The following PHACTR4 variants were observed in gnomAD, a reference collection of about 807,000 sequenced individuals.
PHACTR4 encodes the protein phosphatase and actin regulator 4.
A neutral mutation model predicts 72.7 loss-of-function variants in PHACTR4; 51 were observed. The ratio of observed to expected loss-of-function variants is 0.70; its 90% CI spans 0.56 to 0.89. The LOEUF (loss-of-function observed/expected upper bound fraction) is 0.89. Among genes scored for constraint, PHACTR4 ranks in the 40% least tolerant of loss-of-function variants. PHACTR4 has a pLI of 0.00. For missense variants in PHACTR4, 731 were observed against 861.8 expected, an observed-to-expected ratio of 0.85 and a Z score of 1.90; for synonymous variants, 255 against 302.5, an observed-to-expected ratio of 0.84 and a Z score of 1.63.
chr1:28,481,793 A>G (rs958448741), intron 9 of PHACTR4, among the ~76,000 whole-genome samples: 1 of 148,888 alleles, frequency 6.7e-6, no homozygotes, highest in African/African-American at 2.6e-5. Flanking sequence ...CCATCTAAAA[A>G]AAAAAAAAAG....
At chr1:28,369,951 C>T (rs570645110) in intron 1 of PHACTR4, 126 bp downstream of exon 1, 7 of 347,544 alleles carry the variant, frequency 2.0e-5, no homozygotes, top group Non-Finnish European at 3.3e-5. Context: ...GGTAACGGCC[C>T]GGGTCGCCGT....
chr1:28,372,571 G>T (rs1557769222), intron 1 of PHACTR4, among the ~76,000 whole-genome samples: 1 of 152,098 alleles, frequency 6.6e-6, no homozygotes. Context: ...TAATAAACTG[G>T]TTGGGCGCGG....
At chr1:28,483,336 C>T (rs1189337976) in intron 9 of PHACTR4, among the ~76,000 whole-genome samples, 1 of 151,518 alleles carries the variant, frequency 6.6e-6, no homozygotes, top group Non-Finnish European at 1.5e-5. Context: ...GGCTCAAGGT[C>T]GGCCCAGGAG....
rs1659904682 is a variant in PHACTR4 at position 28,476,185 on chromosome 1, T to A, written c.1500T>A (p.Pro500=). 6.2e-7 allele frequency: 1 copy of A among 1,613,570 alleles called. No homozygotes were observed. The highest frequency in any genetic ancestry group is 1.3e-5 in the African/African-American group (1 of 75,016). The change falls in exon 8 of 14, where the codon CCT becomes CCA. Residue 500 remains proline (P), a synonymous_variant. Transcript: ENST00000373839. Reference sequence around the variant, plus strand: ...AAATGACACCTACCTCAGTCATTCCTAAATTACCACAGTGTCTACGGGAGG... The same window carrying A: ...AAATGACACCTACCTCAGTCATTCCAAAATTACCACAGTGTCTACGGGAGG... ...SEEMTPTSVI[P]KLPQCLREEE... is the part of the protein sequence containing the mutation.
intron 2 of PHACTR4, among the ~76,000 whole-genome samples, chr1:28,412,459 A>T (rs1323105991): frequency 6.6e-6 from 1 of 152,238 alleles, no homozygotes; most frequent in African/African-American, 2.4e-5. Flanking sequence ...TATGTACTAA[A>T]GGGTTGATAT....
At position 28,491,631 on chromosome 1, in the gene PHACTR4, G is replaced by C; in HGVS notation, c.1879-19G>C. On this transcript the variant is annotated intron_variant, in intron 11 of 13. Coordinates refer to ENST00000373839, the MANE Select transcript of PHACTR4 (RefSeq NM_001048183.3). ...CCTAATTATTGGCTTGGTGAACTAA[G>C]AGGCTCCGTTTCCTTCAGCTCAGTC... 1 of 1,613,866 alleles carries C rather than the reference G, an allele frequency of 6.2e-7. No homozygotes were observed. The highest frequency in any genetic ancestry group is 8.5e-7 in the Non-Finnish European group (1 of 1,179,836).
intron 2 of PHACTR4, among the ~76,000 whole-genome samples, chr1:28,433,647 G>T (rs1329646726): frequency 1.3e-5 from 2 of 151,172 alleles, no homozygotes; most frequent in South Asian, 4.2e-4. Flanking sequence ...TAGTAGAGAC[G>T]GAGTTTTTCC....
At chr1:28,373,719 C>G (rs1287748679) in intron 1 of PHACTR4, among the ~76,000 whole-genome samples, 3 of 152,190 alleles carry the variant, frequency 2.0e-5, no homozygotes, top group African/African-American at 7.2e-5. Flanking sequence ...AGTCACCATG[C>G]CCGGCCTCCC....
chr1:28,372,851 CAAA>C (rs545853028), intron 1 of PHACTR4, among the ~76,000 whole-genome samples: 1 of 84,222 alleles, frequency 1.2e-5, no homozygotes, highest in African/African-American at 3.5e-5. Context: ...GACTCAGTCT[CAAA>C]AAAAAAAAAA....
rs888704393 is a variant in PHACTR4 at position 28,440,050 on chromosome 1, C to A, written c.17-19035C>A. Among the ~76,000 whole-genome samples, 23 of 152,062 alleles carry A rather than the reference C, an allele frequency of 1.5e-4. 1 individual carries two copies. The highest frequency in any genetic ancestry group is 3.1e-4 in the Non-Finnish European group (21 of 67,982). On this transcript the variant is annotated intron_variant, in intron 2 of 13. Coordinates refer to ENST00000373839, the MANE Select transcript of PHACTR4 (RefSeq NM_001048183.3). ...GGCGCGGTGGCTCACGCCTGTAATC[C>A]CAGCACGTTGGGAGGCCGAGGCAGG...
intron 2 of PHACTR4, among the ~76,000 whole-genome samples, chr1:28,417,811 A>T (rs187482396): frequency 1.4e-3 from 218 of 152,264 alleles, no homozygotes; most frequent in African/African-American, 4.8e-3. Flanking sequence ...AAAGTTGGCA[A>T]AATCTTGATA....
intron 1 of PHACTR4, among the ~76,000 whole-genome samples, chr1:28,383,622 A>G (rs1652354393): frequency 6.6e-6 from 1 of 152,010 alleles, no homozygotes; most frequent in Non-Finnish European, 1.5e-5. Context: ...CAGTCGTGAA[A>G]GGGATTGTGT....
At chr1:28,383,341 G>A (rs577673776) in intron 1 of PHACTR4, among the ~76,000 whole-genome samples, 4 of 152,088 alleles carry the variant, frequency 2.6e-5, no homozygotes, top group Non-Finnish European at 5.9e-5. Context: ...GGCTCTTTTG[G>A]TTCCATATGA....
intron 1 of PHACTR4, among the ~76,000 whole-genome samples, chr1:28,391,404 A>C (rs1653019557): frequency 6.6e-6 from 1 of 151,088 alleles, no homozygotes; most frequent in South Asian, 2.1e-4. Context: ...GTCTCAAAAA[A>C]TAAATAAATA....
At position 28,473,752 on chromosome 1, in the gene PHACTR4, G is replaced by A. The variant is rs775752459; in HGVS notation, c.1022G>A (p.Arg341His). The A allele has an allele frequency of 3.4e-5, 55 of 1,613,724 alleles. No homozygotes were observed. Among genetic ancestry groups the A allele is most frequent in the South Asian group, 2.7e-4 (25 of 91,068 alleles). Reference protein sequence around the residue: ...GSELLPMISPRSPSPPLPTHI... With the variant: ...GSELLPMISPHSPSPPLPTHI... Reference sequence around the variant, plus strand: ...GAACTACTACCAATGATCTCACCTCGCTCTCCGTCCCCCCCACTGCCTACT... The same window carrying A: ...GAACTACTACCAATGATCTCACCTCACTCTCCGTCCCCCCCACTGCCTACT... Residue 341 changes from arginine to histidine, a missense_variant, in exon 7 of 14, where the codon CGC becomes CAC. Transcript: ENST00000373839.
chr1:28,376,858 C>T (rs1651716306), intron 1 of PHACTR4, among the ~76,000 whole-genome samples: 1 of 149,448 alleles, frequency 6.7e-6, no homozygotes, highest in South Asian at 2.1e-4. Context: ...AGGATGGTCT[C>T]AATCTCCTGA....
At chr1:28,466,134 T>C (rs907834593) in intron 5 of PHACTR4, among the ~76,000 whole-genome samples, 2 of 152,180 alleles carry the variant, frequency 1.3e-5, no homozygotes, top group Non-Finnish European at 2.9e-5. Context: ...AGGAATTTTG[T>C]TGTGGCTCTC....
chr1:28,489,157 A>T lies in PHACTR4; in HGVS notation c.1761-13A>T. 6.2e-7 allele frequency: 1 copy of T among 1,609,068 alleles called. No individual in the cohort carries two copies. The highest frequency in any genetic ancestry group is 2.2e-5 in the East Asian group (1 of 44,826). On this transcript the variant is annotated splice_polypyrimidine_tract_variant and intron_variant, in intron 9 of 13. Transcript: ENST00000373839. The stretch of plus-strand genomic sequence containing the variant: ...TTTAACATAAACATTACCTTTATTT[A>T]TCTCATTTTTAGGCGACTGAGTCAA...
chr1:28,402,720 G>T (rs1654030651), intron 1 of PHACTR4, among the ~76,000 whole-genome samples: 1 of 152,098 alleles, frequency 6.6e-6, no homozygotes, highest in East Asian at 1.9e-4. Context: ...GTCTTGCACA[G>T]GTGTCCAGTT....
Sources: allele counts gnomAD v4.1 joint callset (sites outside exome capture counted in the v4.1 genomes callset), GRCh38; gene constraint gnomAD v4.1.1; transcripts MANE v1.5; gene names NCBI Gene and HGNC (gene_info 2026-07-23, HGNC 2026-07-21).